Variants in CEP350 observed in about 807,000 individuals in gnomAD.
CEP350 encodes centrosomal protein 350.
Under a neutral mutation model 331.8 loss-of-function variants are expected in CEP350, and 126 were observed. The observed-to-expected ratio is 0.38, with a 90% confidence interval of 0.33 to 0.44. The LOEUF (loss-of-function observed/expected upper bound fraction) is 0.44. Among genes scored for constraint, CEP350 ranks in the 20% least tolerant of loss-of-function variants. The pLI, the probability that CEP350 is intolerant of heterozygous loss-of-function variation, is 1.00. For synonymous variants in CEP350, 1,200 were observed against 1,259.5 expected (o/e 0.95, Z 1.00); for missense variants, 3,406 against 3,634.6 (o/e 0.94, Z 1.62).
rs772458690 is a variant in CEP350, at chr1:179,997,032, A to C, written c.875A>C (p.Gln292Pro). 1.6e-5 allele frequency: 26 copies of C among 1,613,960 alleles called. No individual in the cohort carries two copies. Among genetic ancestry groups the C allele is most frequent in the Admixed American group, 1.3e-4 (8 of 60,014 alleles). The part of the protein sequence containing the change: ...LEKLKERIRK[Q>P]WEHSEETNGR... ...AAACTTAAGGAACGGATTAGAAAACAGTGGGAACACTCAGAAGAAACAAAT... is the reference window on the plus strand; with the variant it reads ...AAACTTAAGGAACGGATTAGAAAACCGTGGGAACACTCAGAAGAAACAAAT... The change falls in exon 6 of 38, where the codon CAG (glutamine) becomes CCG (proline). Residue 292 changes from glutamine to proline, a missense_variant. Gln to Pro is a moderately conservative substitution (Grantham distance 76). Transcript: ENST00000367607.
chr1:180,059,205 A>G (rs915644902), intron 25 of CEP350, among the ~76,000 whole-genome samples: 1 of 152,116 alleles, frequency 6.6e-6, no homozygotes, highest in Non-Finnish European at 1.5e-5. Flanking sequence ...TTCAAAACGT[A>G]CTCTGTGAAA....
intron 12 of CEP350, 99 bp from the exon 13 acceptor site, chr1:180,022,599 G>T: frequency 3.2e-6 from 3 of 941,948 alleles, no homozygotes; most frequent in Non-Finnish European, 4.7e-6. Flanking sequence ...AAACTAAAAT[G>T]TCCCTAAGCC....
intron 31 of CEP350, 106 bp from the exon 32 acceptor site, chr1:180,087,472 A>G (rs922081765): frequency 3.8e-6 from 4 of 1,045,810 alleles, no homozygotes; most frequent in South Asian, 2.0e-5. Flanking sequence ...TTTATATTAC[A>G]TCTTCTTTAC....
At chr1:180,091,661 T>G (rs990214209) in intron 33 of CEP350, among the ~76,000 whole-genome samples, 2 of 152,066 alleles carry the variant, frequency 1.3e-5, no homozygotes, top group African/African-American at 4.8e-5. Context: ...TGAAACTCCA[T>G]CTCTACAAAA....
chr1:179,967,704 C>G (rs1198950635), intron 1 of CEP350, among the ~76,000 whole-genome samples: 2 of 152,102 alleles, frequency 1.3e-5, no homozygotes, highest in African/African-American at 4.8e-5. Flanking sequence ...AGCCACCGGG[C>G]CCAGCTGGCT....
chr1:180,053,207 A>T (rs777680249), intron 23 of CEP350, 41 bp downstream of exon 23: 2 of 1,173,036 alleles, frequency 1.7e-6, no homozygotes, highest in South Asian at 3.5e-5. Context: ...GGTTGTGGAT[A>T]TGTTCTCTCA....
chr1:179,982,001 TAAAA>T (rs1373559197), intron 1 of CEP350, among the ~76,000 whole-genome samples: 1 of 151,988 alleles, frequency 6.6e-6, no homozygotes, highest in African/African-American at 2.4e-5. Flanking sequence ...CCTTGTCTCT[TAAAA>T]AAGCCTCAAA....
intron 37 of CEP350, among the ~76,000 whole-genome samples, chr1:180,103,798 C>T (rs888145589): frequency 4.0e-5 from 6 of 151,888 alleles, no homozygotes; most frequent in East Asian, 1.9e-4. Context: ...TTCCATGGCT[C>T]GTAACTCCTC....
rs1657286403 is a variant in CEP350 at position 180,048,721 on chromosome 1, A to G, written c.4792+16A>G. 2.5e-6 allele frequency: 4 copies of G among 1,587,630 alleles called. No homozygotes were observed. The African/African-American group carries it at 5.4e-5, about 21-fold the overall frequency. ...GATGAAAAAGGTAACTTTCTTTGCA[A>G]ATAAATGTGTAATCATTTGTTCAGA... On this transcript the variant is annotated intron_variant, in intron 22 of 37. Transcript: ENST00000367607.
In CEP350 at chr1:179,991,531, G is replaced by A. The variant is rs534627706; in HGVS notation, c.236-531G>A. The stretch of plus-strand genomic sequence containing the variant: ...TCTCAAACTCCTGACCTCGTGATCC[G>A]CCTGCCTTGGCCTCCCAAAGTGCAG... On this transcript the variant is annotated intron_variant, in intron 4 of 37. Coordinates refer to ENST00000367607, the MANE Select transcript of CEP350 (RefSeq NM_014810.5). 2.4e-4 allele frequency among the ~76,000 whole-genome samples: 36 copies of A among 151,192 alleles called. No individual in the cohort carries two copies. The South Asian group carries it at 3.3e-3, about 14-fold the overall frequency.
chr1:180,013,007 A>C (rs1654755834), intron 9 of CEP350, among the ~76,000 whole-genome samples: 1 of 152,214 alleles, frequency 6.6e-6, no homozygotes, highest in African/African-American at 2.4e-5. Context: ...CTAGGGCTTC[A>C]GAATAAGCAA....
intron 4 of CEP350, 138 bp from the exon 5 acceptor site, chr1:179,991,924 A>C: frequency 1.4e-6 from 1 of 714,832 alleles, no homozygotes; most frequent in Non-Finnish European, 2.1e-6. Context: ...ATATCCAACT[A>C]GAGATACTAG....
intron 14 of CEP350, among the ~76,000 whole-genome samples, chr1:180,026,802 C>T (rs1281517914): frequency 6.6e-6 from 1 of 152,136 alleles, no homozygotes; most frequent in Non-Finnish European, 1.5e-5. Flanking sequence ...ATCAGAATTT[C>T]CTTTCTTTCT....
At chr1:179,974,997 A>AG (rs1308183918) in intron 1 of CEP350, among the ~76,000 whole-genome samples, 2 of 152,134 alleles carry the variant, frequency 1.3e-5, no homozygotes, top group South Asian at 2.1e-4. Context: ...TCTCTAAAAA[A>AG]GAAAAAAAAA....
At chr1:180,006,332 A>AAG (rs1654254084) in intron 7 of CEP350, 122 bp from the exon 8 acceptor site, 1 of 619,416 alleles carries the variant, frequency 1.6e-6, no homozygotes, top group East Asian at 2.8e-5. Context: ...AAGTAGCCTC[A>AAG]GTGTAGGTTT....
chr1:179,959,345 TG>T (rs565115330), intron 1 of CEP350, among the ~76,000 whole-genome samples: 59 of 152,230 alleles, frequency 3.9e-4, no homozygotes, highest in African/African-American at 1.4e-3. Flanking sequence ...TCCCAGCTAC[TG>T]GGGAGGCCAA....
At chr1:179,983,161 A>C (rs1028489377) in intron 1 of CEP350, among the ~76,000 whole-genome samples, 9 of 152,160 alleles carry the variant, frequency 5.9e-5, no homozygotes, top group African/African-American at 1.7e-4. Context: ...TTTTTCTACC[A>C]TGCTCCTTTA....
chr1:180,046,403 G>C (rs898655716), intron 21 of CEP350, among the ~76,000 whole-genome samples: 23 of 152,140 alleles, frequency 1.5e-4, no homozygotes, highest in Non-Finnish European at 2.5e-4. Flanking sequence ...GCATGTTGTA[G>C]CATGTATCAC....
At chr1:180,003,485 G>A (rs1300839645) in intron 7 of CEP350, among the ~76,000 whole-genome samples, 198 bp downstream of exon 7, 1 of 152,098 alleles carries the variant, frequency 6.6e-6, no homozygotes, top group Non-Finnish European at 1.5e-5. Flanking sequence ...TAGCTTACAT[G>A]GTTAATGAGA....
Sources: allele counts gnomAD v4.1 joint callset (sites outside exome capture counted in the v4.1 genomes callset), GRCh38; gene constraint gnomAD v4.1.1; transcripts MANE v1.5; gene names NCBI Gene and HGNC (gene_info 2026-07-23, HGNC 2026-07-21).